The following OSBPL1A variants were observed in gnomAD, a reference collection of about 807,000 sequenced individuals.
The protein encoded by OSBPL1A is oxysterol binding protein like 1A.
Under a neutral mutation model 137.1 loss-of-function variants are expected in OSBPL1A, and 80 were observed. That is an observed-to-expected ratio of 0.58 (90% CI 0.49 to 0.70). The LOEUF (loss-of-function observed/expected upper bound fraction) is 0.70. Ranked by LOEUF, OSBPL1A falls within the 30% of genes least tolerant of loss-of-function variation. The pLI is 0.00. For synonymous variants in OSBPL1A, 365 were observed against 389.7 expected (o/e 0.94, Z 0.75); for missense variants, 970 against 1,129.4 (o/e 0.86, Z 2.02).
At chr18:24,164,781 G>C (rs921782285) in intron 27 of OSBPL1A, among the ~76,000 whole-genome samples, 5 of 152,040 alleles carry the variant, frequency 3.3e-5, no homozygotes, top group Non-Finnish European at 5.9e-5. Context: ...CCCACTACTG[G>C]GTATCCAAAG....
intron 4 of OSBPL1A, among the ~76,000 whole-genome samples, chr18:24,348,046 C>T (rs2091376102): frequency 6.6e-6 from 1 of 151,986 alleles, no homozygotes; most frequent in Non-Finnish European, 1.5e-5. Context: ...CATTTAAAAA[C>T]TCAGCTACCA....
chr18:24,328,769 G>T (rs1424995309), intron 7 of OSBPL1A, among the ~76,000 whole-genome samples: 1 of 152,154 alleles, frequency 6.6e-6, no homozygotes, highest in Non-Finnish European at 1.5e-5. Flanking sequence ...ATACTGAGAT[G>T]TGCTGTAAGT....
At chr18:24,349,633 A>T (rs2091403581) in intron 4 of OSBPL1A, among the ~76,000 whole-genome samples, 1 of 152,030 alleles carries the variant, frequency 6.6e-6, no homozygotes, top group Non-Finnish European at 1.5e-5. Flanking sequence ...CCTGGCAAAG[A>T]AGATGAGAAG....
chr18:24,324,556 C>T (rs1307654222), intron 7 of OSBPL1A, among the ~76,000 whole-genome samples: 1 of 42,532 alleles, frequency 2.4e-5, no homozygotes, highest in East Asian at 3.3e-4. Context: ...CACGTGTATA[C>T]ATTGGTGCGT....
chr18:24,360,033 T>C (rs1194379691), intron 4 of OSBPL1A, among the ~76,000 whole-genome samples: 4 of 152,168 alleles, frequency 2.6e-5, no homozygotes, highest in East Asian at 1.9e-4. Context: ...GATGGCGCGA[T>C]CTCGGCTCAC....
chr18:24,283,031 C>T (rs896294853), intron 14 of OSBPL1A, among the ~76,000 whole-genome samples: 3 of 151,644 alleles, frequency 2.0e-5, no homozygotes, highest in African/African-American at 7.3e-5. Context: ...ACTGCTTGAG[C>T]CCAGGAGTTC....
chr18:24,247,199 GGTAAACCAGTT>G (rs1387375692), intron 15 of OSBPL1A, among the ~76,000 whole-genome samples: 1 of 152,140 alleles, frequency 6.6e-6, no homozygotes, highest in Non-Finnish European at 1.5e-5. Context: ...GACAGAGAGA[GGTAAACCAGTT>G]GTGTGTGGTG....
intron 15 of OSBPL1A, among the ~76,000 whole-genome samples, chr18:24,254,841 A>AATT (rs1295382539): frequency 6.6e-6 from 1 of 152,214 alleles, no homozygotes; most frequent in Non-Finnish European, 1.5e-5. Flanking sequence ...CAACAGAAGA[A>AATT]ATAATAAAGA....
chr18:24,375,366 G>A (rs570645068), intron 2 of OSBPL1A, among the ~76,000 whole-genome samples: 11 of 139,400 alleles, frequency 7.9e-5, no homozygotes, highest in African/African-American at 2.6e-4. Flanking sequence ...AAAGACTAAC[G>A]TTTACTCTCC....
intron 15 of OSBPL1A, among the ~76,000 whole-genome samples, chr18:24,270,894 AAAAGCTGTAC>A (rs1490433037): frequency 6.6e-6 from 1 of 152,202 alleles, no homozygotes; most frequent in Non-Finnish European, 1.5e-5. Context: ...AATAACTCAG[AAAAGCTGTAC>A]TAAGCTCTTC....
At chr18:24,227,646 T>G (rs1225124892) in intron 16 of OSBPL1A, among the ~76,000 whole-genome samples, 1 of 152,054 alleles carries the variant, frequency 6.6e-6, no homozygotes, top group African/African-American at 2.4e-5. Flanking sequence ...ACGGCAAATT[T>G]TGAAACAGTG....
At chr18:24,195,504 T>G (rs1430094726) in intron 18 of OSBPL1A, among the ~76,000 whole-genome samples, 1 of 152,126 alleles carries the variant, frequency 6.6e-6, no homozygotes, top group Non-Finnish European at 1.5e-5. Context: ...GGCAGATTCT[T>G]TTGTGCCACA....
intron 21 of OSBPL1A, among the ~76,000 whole-genome samples, chr18:24,172,905 T>A (rs1293824872): frequency 6.6e-6 from 1 of 152,126 alleles, no homozygotes; most frequent in Non-Finnish European, 1.5e-5. Context: ...ATCCTATATA[T>A]CCAGAGGAAT....
intron 14 of OSBPL1A, among the ~76,000 whole-genome samples, chr18:24,298,634 C>T (rs907454351): frequency 6.6e-6 from 1 of 152,232 alleles, no homozygotes; most frequent in South Asian, 2.1e-4. Context: ...CATGAGCCAC[C>T]GCGCCTGGCC....
At chr18:24,301,627 T>C (rs1388195687) in intron 14 of OSBPL1A, among the ~76,000 whole-genome samples, 1 of 152,254 alleles carries the variant, frequency 6.6e-6, no homozygotes, top group Admixed American at 6.5e-5. Context: ...AATTTTGTTA[T>C]GTGAATTATA....
chr18:24,250,190 T>G (rs529990946), intron 15 of OSBPL1A, among the ~76,000 whole-genome samples: 420 of 29,790 alleles, frequency 0.014, 3 homozygotes, highest in African/African-American at 0.037. Context: ...TTGTTTGTTT[T>G]TTTTGACATG....
At chr18:24,192,631 C>T (rs1016743556) in intron 18 of OSBPL1A, among the ~76,000 whole-genome samples, 21 of 152,226 alleles carry the variant, frequency 1.4e-4, no homozygotes, top group African/African-American at 4.6e-4. Flanking sequence ...TAAAGTACAA[C>T]GTGCAGGTGC....
chr18:24,165,677 C>G (rs903053299), intron 26 of OSBPL1A, among the ~76,000 whole-genome samples: 9 of 152,202 alleles, frequency 5.9e-5, no homozygotes, highest in Admixed American at 2.0e-4. Context: ...CATCCATGGC[C>G]TGCAGACGCC....
chr18:24,247,817 A>G (rs1414859216), intron 15 of OSBPL1A, among the ~76,000 whole-genome samples: 1 of 152,228 alleles, frequency 6.6e-6, no homozygotes, highest in Non-Finnish European at 1.5e-5. Flanking sequence ...AACTAAAAAA[A>G]GAATAAAATT....
Sources: allele counts gnomAD v4.1 joint callset (sites outside exome capture counted in the v4.1 genomes callset), GRCh38; gene constraint gnomAD v4.1.1; transcripts MANE v1.5; gene names NCBI Gene and HGNC (gene_info 2026-07-23, HGNC 2026-07-21).